HADHB: variants seen among roughly 807,000 people sequenced by gnomAD.
The protein encoded by HADHB is hydroxyacyl-CoA dehydrogenase trifunctional multienzyme complex subunit beta, also known as trifunctional enzyme subunit beta, mitochondrial.
In HADHB, 50 loss-of-function variants were observed where a neutral mutation model predicts 61.9. That is an observed-to-expected ratio of 0.81 (90% confidence interval 0.64 to 1.02). The LOEUF is 1.02. HADHB is among the 50% of genes least tolerant of loss of function. The pLI, the probability that HADHB is intolerant of heterozygous loss-of-function variation, is 0.00. For synonymous variants in HADHB, 191 were observed against 201.6 expected, an observed-to-expected ratio of 0.95 and a Z score of 0.45; for missense variants, 504 against 586.5, an observed-to-expected ratio of 0.86 and a Z score of 1.45.
intron 3 of HADHB, among the ~76,000 whole-genome samples, chr2:26,259,187 C>T (rs981931083): frequency 5.3e-5 from 8 of 152,194 alleles, no homozygotes; most frequent in African/African-American, 1.2e-4. Context: ...ATGTCTCACA[C>T]GGGGCACCAC....
intron 6 of HADHB, among the ~76,000 whole-genome samples, chr2:26,276,470 A>G (rs146268043): frequency 6.6e-6 from 1 of 152,378 alleles, no homozygotes; most frequent in Non-Finnish European, 1.5e-5. Flanking sequence ...GCAGTGTGCT[A>G]TCTGAAGTAT....
chr2:26,250,806 G>A (rs1671368466), intron 1 of HADHB, among the ~76,000 whole-genome samples: 1 of 151,880 alleles, frequency 6.6e-6, no homozygotes, highest in African/African-American at 2.4e-5. Context: ...GGGCAACAGA[G>A]CGAGACCCTG....
chr2:26,273,625 T>C, intron 5 of HADHB, 26 bp from the exon 6 acceptor site: 2 of 1,302,286 alleles, frequency 1.5e-6, no homozygotes, highest in Non-Finnish European at 2.2e-6. Context: ...GTGAAATGTT[T>C]CTTTGCTTTG....
At chr2:26,267,044 G>A (rs1273235972) in intron 4 of HADHB, among the ~76,000 whole-genome samples, 1 of 152,004 alleles carries the variant, frequency 6.6e-6, no homozygotes, top group Non-Finnish European at 1.5e-5. Context: ...GATTCTGAGT[G>A]AAAATGACAG....
chr2:26,286,605 C>T (rs981268991), intron 15 of HADHB, among the ~76,000 whole-genome samples: 5 of 151,940 alleles, frequency 3.3e-5, no homozygotes, highest in Admixed American at 6.6e-5. Flanking sequence ...CGAGTTCAAG[C>T]GATTCTCCTG....
At chr2:26,280,624 A>G in intron 10 of HADHB, among the ~76,000 whole-genome samples, 1 of 152,122 alleles carries the variant, frequency 6.6e-6, no homozygotes, top group East Asian at 1.9e-4. Flanking sequence ...AGGTTGAGGC[A>G]GGCAGATCAC....
At chr2:26,248,888 C>T (rs943524177) in intron 1 of HADHB, among the ~76,000 whole-genome samples, 7 of 152,098 alleles carry the variant, frequency 4.6e-5, no homozygotes, top group Non-Finnish European at 1.0e-4. Flanking sequence ...GAAACCCCAT[C>T]TCTGCTAAAA....
At chr2:26,261,213 C>CCA (rs1491210687) in intron 3 of HADHB, 4 of 254,966 alleles carry the variant, frequency 1.6e-5, no homozygotes, top group South Asian at 7.7e-5. Flanking sequence ...ACAACAAATA[C>CCA]CCCCCCCCCA....
chr2:26,278,621 C>T lies in HADHB; in HGVS notation c.450C>T (p.Gly150=). Residue 150 remains glycine, a synonymous_variant, in exon 8 of 16, where the codon GGC becomes GGT. Coordinates refer to ENST00000317799, the MANE Select transcript of HADHB (RefSeq NM_000183.3). The part of the protein sequence containing the change: ...SANQAMTTGV[G]LIASGQCDVI... ...ATAACCTGTGCCCTGTAGGTGTTGGCTTGATTGCTTCTGGCCAGTGTGATG... is the reference window on the plus strand; with the variant it reads ...ATAACCTGTGCCCTGTAGGTGTTGGTTTGATTGCTTCTGGCCAGTGTGATG... The T allele has an allele frequency of 6.2e-7, 1 of 1,613,702 alleles. No individual in the cohort carries two copies. The highest frequency in any genetic ancestry group is 2.2e-5 in the East Asian group (1 of 44,880).
At chr2:26,280,569 C>T (rs1015926829) in intron 10 of HADHB, among the ~76,000 whole-genome samples, 1 of 151,966 alleles carries the variant, frequency 6.6e-6, no homozygotes, top group East Asian at 1.9e-4. Flanking sequence ...AAAGGCATTT[C>T]AGGCCGGGTG....
intron 9 of HADHB, 150 bp from the exon 10 acceptor site, chr2:26,279,844 A>T (rs899813281): frequency 1.6e-6 from 1 of 637,934 alleles, no homozygotes; most frequent in African/African-American, 1.8e-5. Flanking sequence ...TTAAAATTTG[A>T]TAATATGATA....
chr2:26,270,140 T>C lies in HADHB; in HGVS notation c.254+143T>C, dbSNP rs1248403489. 4 of 715,308 alleles carry C rather than the reference T, an allele frequency of 5.6e-6. No homozygotes were observed. In the Admixed American group the frequency reaches 8.4e-5, roughly 15 times the overall value. 44.3% of individuals were successfully genotyped at this position (715,308 alleles called of 1,614,324 possible). On this transcript the variant is annotated intron_variant, in intron 5 of 15. Transcript: ENST00000317799. ...AGCTTATGAATATTGTCAATCTTTA[T>C]TTTGCAGGCCTAACAGTGTCTTAGC...
intron 15 of HADHB, among the ~76,000 whole-genome samples, chr2:26,288,406 G>T (rs527918996): frequency 7.4e-4 from 112 of 152,114 alleles, no homozygotes; most frequent in Non-Finnish European, 1.3e-3. Context: ...GTCTGCTTGT[G>T]CCTTTTCAAT....
intron 15 of HADHB, among the ~76,000 whole-genome samples, chr2:26,287,078 C>T (rs1367548362): frequency 6.6e-6 from 1 of 151,816 alleles, no homozygotes; most frequent in Non-Finnish European, 1.5e-5. Context: ...GTGGTGTGCG[C>T]CTGTAATTCC....
chr2:26,260,235 C>T (rs979914424), intron 3 of HADHB, among the ~76,000 whole-genome samples: 1 of 152,048 alleles, frequency 6.6e-6, no homozygotes, highest in African/African-American at 2.4e-5. Flanking sequence ...GAGCGTACCA[C>T]CGTGCCCAGC....
chr2:26,254,396 T>C lies in HADHB; in HGVS notation c.65-34T>C, dbSNP rs1284441207. On this transcript the variant is annotated intron_variant, in intron 2 of 15. Coordinates refer to ENST00000317799, the MANE Select transcript of HADHB (RefSeq NM_000183.3). The stretch of plus-strand genomic sequence containing the variant: ...CATCTCGCACAGATACTGAATGGTA[T>C]TGCTTTTTGTAAACAGTTTATTTTG... 4.5e-6 allele frequency: 7 copies of C among 1,563,626 alleles called. No individual in the cohort carries two copies. The East Asian group carries it at 6.7e-5, about 15-fold the overall frequency.
At chr2:26,279,069 C>A in intron 8 of HADHB, 66 bp from the exon 9 acceptor site, 2 of 1,276,464 alleles carry the variant, frequency 1.6e-6, no homozygotes, top group Non-Finnish European at 1.1e-6. Context: ...TAACACAGAA[C>A]AATCCTAGGT....
At chr2:26,251,287 G>T (rs1646431851) in intron 1 of HADHB, among the ~76,000 whole-genome samples, 1 of 151,806 alleles carries the variant, frequency 6.6e-6, no homozygotes, top group Admixed American at 6.6e-5. Flanking sequence ...TCCTGGCTCG[G>T]GTGCTCCTCC....
At chr2:26,268,159 A>G (rs1228361374) in intron 4 of HADHB, among the ~76,000 whole-genome samples, 9 of 152,150 alleles carry the variant, frequency 5.9e-5, no homozygotes, top group Admixed American at 3.9e-4. Flanking sequence ...AAAAATAAAT[A>G]AAGAATGAGA....
Sources: gnomAD v4.1 joint callset for allele counts (sites outside exome capture counted in the v4.1 genomes callset) on GRCh38, gnomAD v4.1.1 for gene constraint, MANE v1.5 for transcripts, NCBI Gene and HGNC (gene_info 2026-07-23, HGNC 2026-07-21) for gene names.